Variants in C2orf42 observed in about 807,000 individuals in gnomAD.
C2orf42 encodes the protein uncharacterized protein C2orf42.
A neutral mutation model predicts 58.9 loss-of-function variants in C2orf42; 44 were observed. The observed-to-expected ratio is 0.75, with a 90% CI of 0.59 to 0.96. The LOEUF (loss-of-function observed/expected upper bound fraction) is 0.96. Among genes scored for constraint, C2orf42 ranks in the 40% least tolerant of loss-of-function variants. The pLI is 0.00. For synonymous variants in C2orf42, 239 were observed against 265.4 expected (o/e 0.90, Z 0.97); for missense variants, 630 against 699.2 (o/e 0.90, Z 1.12).
intron 6 of C2orf42, among the ~76,000 whole-genome samples, chr2:70,167,060 C>T (rs1338289264): frequency 6.6e-6 from 1 of 152,040 alleles, no homozygotes; most frequent in Non-Finnish European, 1.5e-5. Context: ...CTTAACCAAC[C>T]TCTTAAAGAA....
chr2:70,189,406 C>CAAAAAAAAAAAAAAAA (rs1182514916), intron 1 of C2orf42, among the ~76,000 whole-genome samples: 2 of 27,126 alleles, frequency 7.4e-5, no homozygotes, highest in African/African-American at 1.9e-4. Flanking sequence ...AACTCCATCT[C>CAAAAAAAAAAAAAAAA]AAAAAAAAAA....
chr2:70,186,885 T>C (rs1010933044), intron 1 of C2orf42, among the ~76,000 whole-genome samples: 19 of 146,310 alleles, frequency 1.3e-4, no homozygotes, highest in Admixed American at 1.1e-3. Context: ...TTCTCACTCA[T>C]AGATGGGAAT....
At chr2:70,178,225 T>C (rs1296307498) in intron 4 of C2orf42, among the ~76,000 whole-genome samples, 1 of 152,232 alleles carries the variant, frequency 6.6e-6, no homozygotes, top group Non-Finnish European at 1.5e-5. Context: ...TCTAGGTCTC[T>C]TGATGCTTAC....
intron 8 of C2orf42, among the ~76,000 whole-genome samples, chr2:70,164,180 G>A (rs1291618928): frequency 6.6e-6 from 1 of 151,822 alleles, no homozygotes; most frequent in Admixed American, 6.6e-5. Flanking sequence ...GCATATGCCT[G>A]TAGTCCAAGC....
intron 7 of C2orf42, 120 bp downstream of exon 7, chr2:70,165,408 G>A (rs1049430304): frequency 1.3e-5 from 9 of 668,050 alleles, no homozygotes; most frequent in Non-Finnish European, 1.9e-5. Context: ...TTGTGCTCCA[G>A]ACATGTGAGT....
chr2:70,166,390 G>C (rs984316274), intron 6 of C2orf42, among the ~76,000 whole-genome samples: 1 of 150,206 alleles, frequency 6.7e-6, no homozygotes, highest in Non-Finnish European at 1.5e-5. Flanking sequence ...GAGAGGCCAG[G>C]CGTGGTGACT....
In C2orf42 at chr2:70,181,917, C is replaced by T. The variant is rs1334445564; in HGVS notation, c.69G>A (p.Arg23=). The part of the protein sequence containing the change: ...FLSDLGKATL[R]GIRKCPRCGT... ...CACATCGGGGACACTTTCTGATTCCCCTCAATGTGGCCTTCCCCAAATCAG... is the reference window on the plus strand; with the variant it reads ...CACATCGGGGACACTTTCTGATTCCTCTCAATGTGGCCTTCCCCAAATCAG... Residue 23 remains arginine, a synonymous_variant, in exon 3 of 10, where the codon AGG becomes AGA. Coordinates refer to ENST00000264434, the MANE Select transcript of C2orf42 (RefSeq NM_017880.3). 8.1e-6 allele frequency: 13 copies of T among 1,613,952 alleles called. No homozygotes were observed. Among genetic ancestry groups the T allele is most frequent in the Non-Finnish European group, 1.1e-5 (13 of 1,179,900 alleles).
At chr2:70,154,877 T>G (rs1249665980) in intron 9 of C2orf42, among the ~76,000 whole-genome samples, 1 of 151,090 alleles carries the variant, frequency 6.6e-6, no homozygotes, top group East Asian at 1.9e-4. Flanking sequence ...CACCTCAGCC[T>G]CCAAAGTAGC....
chr2:70,158,345 A>G (rs1487614572), intron 9 of C2orf42, among the ~76,000 whole-genome samples: 1 of 152,188 alleles, frequency 6.6e-6, no homozygotes, highest in African/African-American at 2.4e-5. Flanking sequence ...GGGAGAAACT[A>G]AATTATAATT....
At chr2:70,169,352 C>T (rs895025044) in intron 6 of C2orf42, among the ~76,000 whole-genome samples, 2 of 151,978 alleles carry the variant, frequency 1.3e-5, no homozygotes, top group Non-Finnish European at 2.9e-5. Flanking sequence ...TTTTTCTCTT[C>T]TGTCTCTAAA....
chr2:70,183,073 TTAAG>T (rs1296493552), intron 1 of C2orf42, 138 bp from the exon 2 acceptor site: 1 of 152,186 alleles, frequency 6.6e-6, no homozygotes, highest in Non-Finnish European at 1.5e-5. Flanking sequence ...TGGAAATGGG[TTAAG>T]TGTTTTGTAC....
chr2:70,175,308 G>A (rs1174442863), intron 5 of C2orf42, among the ~76,000 whole-genome samples: 1 of 152,070 alleles, frequency 6.6e-6, no homozygotes, highest in Non-Finnish European at 1.5e-5. Flanking sequence ...TATTTTTCCT[G>A]ATCCTCTCAC....
At chr2:70,187,030 C>A (rs1360956274) in intron 1 of C2orf42, among the ~76,000 whole-genome samples, 1 of 151,894 alleles carries the variant, frequency 6.6e-6, no homozygotes, top group African/African-American at 2.4e-5. Flanking sequence ...GTGCAGCACA[C>A]CAGCATGGCA....
chr2:70,150,693 T>C, intron 9 of C2orf42, 129 bp from the exon 10 acceptor site: 2 of 650,264 alleles, frequency 3.1e-6, no homozygotes, highest in Non-Finnish European at 5.5e-6. Context: ...ATGAGGTTTA[T>C]AAATTCAGTG....
Position 70,150,401 on chromosome 2 carries a change from G to A in C2orf42, c.1680C>T (p.Asp560=). 1 of 1,614,096 alleles carries A rather than the reference G, an allele frequency of 6.2e-7. No individual in the cohort carries two copies. The change falls in exon 10 of 10, where the codon GAC becomes GAT. Residue 560 remains aspartate (D), a synonymous_variant. Coordinates refer to ENST00000264434, the MANE Select transcript of C2orf42 (RefSeq NM_017880.3). The stretch of plus-strand genomic sequence containing the variant: ...TCAGAGGGGCCAGTTCCAAGGGCTG[G>A]TCCAAGGGGGGCCGCTGGTCTTGGT... The part of the protein sequence containing the change: ...AEYQDQRPPL[D]QPLELAPLTT...
intron 9 of C2orf42, among the ~76,000 whole-genome samples, chr2:70,157,236 C>T (rs1672731509): frequency 6.7e-6 from 1 of 148,694 alleles, no homozygotes; most frequent in Non-Finnish European, 1.5e-5. Flanking sequence ...GGATGGATCA[C>T]GAGGTCAGGA....
chr2:70,187,452 C>T (rs1339385216), intron 1 of C2orf42, among the ~76,000 whole-genome samples: 1 of 151,848 alleles, frequency 6.6e-6, no homozygotes, highest in African/African-American at 2.4e-5. Context: ...AGGGTTTCAC[C>T]ATGTTGGCCA....
chr2:70,179,250 GA>G (rs1674389987), intron 4 of C2orf42, among the ~76,000 whole-genome samples: 1 of 149,400 alleles, frequency 6.7e-6, no homozygotes, highest in African/African-American at 2.5e-5. Flanking sequence ...CTTTTCTCAG[GA>G]AAAAAACCCA....
At chr2:70,157,278 C>T (rs553398064) in intron 9 of C2orf42, among the ~76,000 whole-genome samples, 51 of 151,296 alleles carry the variant, frequency 3.4e-4, no homozygotes, top group African/African-American at 1.2e-3. Flanking sequence ...CATGGTGAAA[C>T]CCCGTCTCTA....
Sources: gnomAD v4.1 joint callset for allele counts (sites outside exome capture counted in the v4.1 genomes callset) on GRCh38, gnomAD v4.1.1 for gene constraint, MANE v1.5 for transcripts, NCBI Gene and HGNC (gene_info 2026-07-23, HGNC 2026-07-21) for gene names.